The following MAL2 variants were observed in gnomAD, a reference collection of about 807,000 sequenced individuals.
MAL2 encodes the protein mal, T cell differentiation protein 2.
In MAL2, 17 loss-of-function variants were observed where a neutral mutation model predicts 18.1. The observed-to-expected ratio is 0.94, with a 90% CI of 0.64 to 1.41. The LOEUF is 1.41. Ranked by LOEUF, MAL2 falls within the 40% of genes most tolerant of loss-of-function variation. MAL2 has a pLI of 0.00. For synonymous variants in MAL2, 102 were observed against 102.3 expected, an observed-to-expected ratio of 1.00 and a Z score of 0.02; for missense variants, 222 against 231.9, an observed-to-expected ratio of 0.96 and a Z score of 0.28.
chr8:119,210,639 C>A (rs1043508874), intron 1 of MAL2, among the ~76,000 whole-genome samples: 2 of 152,188 alleles, frequency 1.3e-5, no homozygotes, highest in Non-Finnish European at 2.9e-5. Flanking sequence ...TGAATTCTCT[C>A]TATCCGCTAA....
intron 1 of MAL2, among the ~76,000 whole-genome samples, chr8:119,217,245 C>G (rs1219482519): frequency 6.6e-6 from 1 of 152,140 alleles, no homozygotes; most frequent in Non-Finnish European, 1.5e-5. Flanking sequence ...CTGCAGAGAC[C>G]AAGCAAACAT....
intron 1 of MAL2, among the ~76,000 whole-genome samples, chr8:119,219,996 GT>G (rs1011751263): frequency 1.3e-5 from 2 of 152,170 alleles, no homozygotes; most frequent in Non-Finnish European, 2.9e-5. Flanking sequence ...AAAGATCTTT[GT>G]CTTGGAACTG....
rs546358082 is a variant in MAL2, at chr8:119,225,182, C to G, written c.303+3425C>G. On this transcript the variant is annotated intron_variant, in intron 2 of 3. Coordinates refer to ENST00000614891, the MANE Select transcript of MAL2 (RefSeq NM_052886.3). ...ATGTGCACAACGTGCAGGTTAGTTA[C>G]ATATGTATACATGTGCCAGGTTGGT... 2.8e-3 allele frequency among the ~76,000 whole-genome samples: 429 copies of G among 152,258 alleles called. 1 individual carries two copies. Among genetic ancestry groups the G allele is most frequent in the African/African-American group, 9.7e-3 (404 of 41,552 alleles).
rs982546884 is a variant in MAL2, at chr8:119,239,810, G to C, written c.304-355G>C. Reference sequence around the variant, plus strand: ...TTAGGAGATATACCTAATGCTAAATGATGAGTTAATGAGTGCAGCACACTA... The same window carrying C: ...TTAGGAGATATACCTAATGCTAAATCATGAGTTAATGAGTGCAGCACACTA... On this transcript the variant is annotated intron_variant, in intron 2 of 3. Coordinates refer to ENST00000614891, the MANE Select transcript of MAL2 (RefSeq NM_052886.3). Among the ~76,000 whole-genome samples the C allele has an allele frequency of 5.9e-5, 9 of 151,876 alleles. 1 individual carries two copies. The highest frequency in any genetic ancestry group is 1.2e-4 in the African/African-American group (5 of 41,266).
intron 1 of MAL2, among the ~76,000 whole-genome samples, chr8:119,211,788 A>G (rs1455317437): frequency 1.3e-5 from 2 of 150,652 alleles, no homozygotes; most frequent in African/African-American, 2.4e-5. Context: ...GCTTAGCAAT[A>G]CTTACCAATG....
rs1351482333 is a variant in MAL2 at position 119,208,653 on chromosome 8, G to A, written c.132+49G>A. On this transcript the variant is annotated intron_variant, in intron 1 of 3. Coordinates refer to ENST00000614891, the MANE Select transcript of MAL2 (RefSeq NM_052886.3). This position sits in a 1 kb window ranked among gnomAD's most constrained non-coding sequence, Gnocchi z 4.3. ...GGTCGCGCGGGGAGCGAGGACAGGC[G>A]GCGGCATCCTTGTCCCCCGGGCTGT... 1.6e-6 allele frequency: 2 copies of A among 1,266,936 alleles called. No homozygotes were observed. Among genetic ancestry groups the A allele is most frequent in the Non-Finnish European group, 2.0e-6 (2 of 1,004,904 alleles). 78.5% of individuals were successfully genotyped at this position (1,266,936 alleles called of 1,614,324 possible). A position where few individuals can be genotyped will look rare whatever the true frequency, so the allele number is the denominator to read the frequency against.
intron 2 of MAL2, among the ~76,000 whole-genome samples, chr8:119,226,799 G>A (rs1339784296): frequency 1.3e-5 from 2 of 152,220 alleles, no homozygotes; most frequent in East Asian, 1.9e-4. Flanking sequence ...GACCTGCTAA[G>A]TCAGAAACTC....
At chr8:119,219,563 GAGAC>G (rs1307581315) in intron 1 of MAL2, among the ~76,000 whole-genome samples, 8 of 150,548 alleles carry the variant, frequency 5.3e-5, no homozygotes, top group Middle Eastern at 3.4e-3. Context: ...GTGAGAGAGA[GAGAC>G]AGAGAGAGAG....
intron 2 of MAL2, among the ~76,000 whole-genome samples, chr8:119,236,565 G>T (rs1054685378): frequency 1.3e-5 from 2 of 151,672 alleles, no homozygotes; most frequent in Non-Finnish European, 2.9e-5. Context: ...CTCAGCAAAT[G>T]TAAAAGAACA....
rs568967446 is a variant in MAL2 at position 119,238,078 on chromosome 8, T to A, written c.304-2087T>A. Among the ~76,000 whole-genome samples, 26 of 152,356 alleles carry A rather than the reference T, an allele frequency of 1.7e-4. No homozygotes were observed. The East Asian group carries it at 4.4e-3, about 26-fold the overall frequency. On this transcript the variant is annotated intron_variant, in intron 2 of 3. Coordinates refer to ENST00000614891, the MANE Select transcript of MAL2 (RefSeq NM_052886.3). ...GAATCTCCTTAAGCTGATAAGCAAC[T>A]TCAGCAAAGTCTCAGGATACAAAAC... is the stretch of plus-strand genomic sequence containing the variant.
chr8:119,217,682 C>T (rs73709673), intron 1 of MAL2, among the ~76,000 whole-genome samples: 11,450 of 152,124 alleles, frequency 0.075, 1,244 homozygotes, highest in African/African-American at 0.24. Flanking sequence ...ATAATAGTTC[C>T]GAATACCTTT....
chr8:119,217,406 C>A (rs952951413), intron 1 of MAL2, among the ~76,000 whole-genome samples: 1 of 152,118 alleles, frequency 6.6e-6, no homozygotes, highest in African/African-American at 2.4e-5. Flanking sequence ...ACTGAGTCAC[C>A]GGGAGATGCT....
intron 1 of MAL2, among the ~76,000 whole-genome samples, chr8:119,213,618 A>G (rs937300274): frequency 6.6e-6 from 1 of 152,130 alleles, no homozygotes; most frequent in East Asian, 1.9e-4. Context: ...CAGGAGTTCA[A>G]GACCAGCCTG....
intron 2 of MAL2, among the ~76,000 whole-genome samples, chr8:119,235,667 C>A (rs1342053845): frequency 6.6e-6 from 1 of 151,584 alleles, no homozygotes; most frequent in African/African-American, 2.4e-5. Flanking sequence ...GAATTTTCAA[C>A]CCAGAATTTC....
At chr8:119,242,372 C>CA (rs1233304545) in intron 3 of MAL2, among the ~76,000 whole-genome samples, 6 of 152,144 alleles carry the variant, frequency 3.9e-5, no homozygotes, top group Non-Finnish European at 8.8e-5. Flanking sequence ...CTACATGCTT[C>CA]AAGTTCAACA....
intron 2 of MAL2, among the ~76,000 whole-genome samples, chr8:119,238,309 C>T (rs915890541): frequency 6.6e-6 from 1 of 152,138 alleles, no homozygotes; most frequent in Non-Finnish European, 1.5e-5. Flanking sequence ...ATTCCATGCT[C>T]ATGGGTAGGA....
chr8:119,210,880 TC>T (rs1235025728), intron 1 of MAL2, among the ~76,000 whole-genome samples: 1 of 151,998 alleles, frequency 6.6e-6, no homozygotes, highest in Non-Finnish European at 1.5e-5. Context: ...TGAATATCAA[TC>T]TCCCCCACCC....
chr8:119,218,089 G>A (rs1370292982), intron 1 of MAL2, among the ~76,000 whole-genome samples: 2 of 152,158 alleles, frequency 1.3e-5, no homozygotes, highest in Non-Finnish European at 2.9e-5. Context: ...TCAAAATGAG[G>A]ATGGTGGCCC....
intron 2 of MAL2, among the ~76,000 whole-genome samples, chr8:119,238,859 G>C (rs898230575): frequency 6.6e-6 from 1 of 151,546 alleles, no homozygotes; most frequent in African/African-American, 2.4e-5. Flanking sequence ...TCAGGACATA[G>C]GCATGGGCAA....
Sources: allele counts gnomAD v4.1 joint callset (sites outside exome capture counted in the v4.1 genomes callset), GRCh38; gene constraint gnomAD v4.1.1; non-coding constraint Gnocchi (gnomAD v3.1); transcripts MANE v1.5; gene names NCBI Gene and HGNC (gene_info 2026-07-23, HGNC 2026-07-21).